The following LOXHD1 variants were observed in gnomAD, a reference collection of about 807,000 sequenced individuals.
LOXHD1 encodes the protein lipoxygenase homology PLAT domains 1.
LOXHD1 carries 205 observed loss-of-function variants against 248.2 expected under a neutral mutation model. The observed-to-expected ratio is 0.83, with a 90% CI of 0.74 to 0.93. The LOEUF (loss-of-function observed/expected upper bound fraction) is 0.93. Among genes scored for constraint, LOXHD1 ranks in the 40% least tolerant of loss-of-function variants. The pLI, the probability that LOXHD1 is intolerant of heterozygous loss-of-function variation, is 0.00. For synonymous variants in LOXHD1, 1,113 were observed against 1,162.8 expected, an observed-to-expected ratio of 0.96 and a Z score of 0.87; for missense variants, 2,930 against 2,971.6, an observed-to-expected ratio of 0.99 and a Z score of 0.33.
intron 21 of LOXHD1, among the ~76,000 whole-genome samples, chr18:46,556,966 C>T (rs1598995835): frequency 6.6e-6 from 1 of 151,634 alleles, no homozygotes; most frequent in South Asian, 2.1e-4. Context: ...CCAGCCCACC[C>T]TCACCCTCAT....
Position 46,569,479 on chromosome 18 carries a change from A to T in LOXHD1, c.2207T>A (p.Val736Glu). ...CAGGGTCTCGAGGGTGAACTCATCC[A>T]CCCGGCCACGTTCAAAGTAGTCTTT... ...NLKDYFERGR[V>E]DEFTLETLNI... Residue 736 changes from valine to glutamate, a missense_variant, in exon 16 of 41, where the codon GTG becomes GAG. Val to Glu is a moderately radical substitution (Grantham distance 121, BLOSUM62 -2). Coordinates refer to ENST00000642948, the MANE Select transcript of LOXHD1 (RefSeq NM_001384474.1). 1.9e-6 allele frequency: 3 copies of T among 1,552,190 alleles called. No individual in the cohort carries two copies. The highest frequency in any genetic ancestry group is 2.6e-6 in the Non-Finnish European group (3 of 1,147,092).
rs1568234526 is a variant in LOXHD1, at chr18:46,649,288, A to C, written c.131-19T>G. 6.5e-7 allele frequency: 1 copy of C among 1,540,944 alleles called. No homozygotes were observed. On this transcript the variant is annotated intron_variant, in intron 1 of 40. Coordinates refer to ENST00000642948, the MANE Select transcript of LOXHD1 (RefSeq NM_001384474.1). ...TCATACACTGGAGGAGGAGAGGAGG[A>C]GACAGATTGCAGGCTCAGAAAAAAA...
Position 46,522,175 on chromosome 18 carries a change from T to A in LOXHD1, c.5011A>T (p.Arg1671Trp). The part of the protein sequence containing the change: ...RIWLDYPRGK[R>W]GFSRGSVEEF... ...TCCACAGAGCCACGGCTGAAGCCCCTCTTCCCTCGGGGGTAGTCCAACCAG... is the reference window on the plus strand; with the variant it reads ...TCCACAGAGCCACGGCTGAAGCCCCACTTCCCTCGGGGGTAGTCCAACCAG... The change falls in exon 32 of 41, where the codon AGG becomes TGG. Residue 1671 changes from arginine (R) to tryptophan (W), a missense_variant. By Grantham distance (101) the Arg-to-Trp change is moderately radical. Transcript: ENST00000642948. The A allele has an allele frequency of 1.3e-6, 2 of 1,551,680 alleles. No individual in the cohort carries two copies. The highest frequency in any genetic ancestry group is 8.7e-7 in the Non-Finnish European group (1 of 1,146,986).
chr18:46,577,748 C>T lies in LOXHD1; in HGVS notation c.1929G>A (p.Glu643=). 1 of 1,551,664 alleles carries T rather than the reference C, an allele frequency of 6.4e-7. No homozygotes were observed. Among genetic ancestry groups the T allele is most frequent in the Non-Finnish European group, 8.7e-7 (1 of 1,146,978 alleles). The change falls in exon 14 of 41, where the codon GAG becomes GAA. Residue 643 remains glutamate, a synonymous_variant. Transcript: ENST00000642948. Reference sequence around the variant, plus strand: ...CCACGTTGTCGCTCTCAGGCTGCCCCTCCTCTCTCACCAGCACTCTGTCCA... The same window carrying T: ...CCACGTTGTCGCTCTCAGGCTGCCCTTCCTCTCTCACCAGCACTCTGTCCA... ...WYLDRVLVRE[E]GQPESDNVEF... is the part of the protein sequence containing the mutation.
intron 20 of LOXHD1, among the ~76,000 whole-genome samples, chr18:46,558,580 G>C (rs1178497995): frequency 6.6e-6 from 1 of 152,158 alleles, no homozygotes; most frequent in Admixed American, 6.5e-5. Flanking sequence ...GGGGGCCCCT[G>C]AAATAAATCA....
chr18:46,616,310 T>C (rs1353512388), intron 5 of LOXHD1, among the ~76,000 whole-genome samples: 1 of 152,292 alleles, frequency 6.6e-6, no homozygotes, highest in African/African-American at 2.4e-5. Context: ...GTGGTTACTT[T>C]TACAATTTTG....
At chr18:46,531,097 T>C (rs1354494662) in intron 28 of LOXHD1, among the ~76,000 whole-genome samples, 1 of 151,852 alleles carries the variant, frequency 6.6e-6, no homozygotes, top group African/African-American at 2.4e-5. Context: ...TCCCCAACCA[T>C]CTTCCTTGTC....
At chr18:46,610,748 G>A (rs1169988527) in intron 6 of LOXHD1, 28 bp downstream of exon 6, 1 of 1,535,510 alleles carries the variant, frequency 6.5e-7, no homozygotes, top group Non-Finnish European at 8.8e-7. Context: ...CAAGGCCACA[G>A]GGACTGCAGA....
chr18:46,623,239 C>T (rs1479403048), intron 4 of LOXHD1, among the ~76,000 whole-genome samples: 2 of 152,208 alleles, frequency 1.3e-5, no homozygotes, highest in African/African-American at 4.8e-5. Context: ...TCTACAAGCT[C>T]TCTGATGTGA....
In LOXHD1 at chr18:46,538,317, G is replaced by A. The variant is rs2036405294; in HGVS notation, c.3934C>T (p.Leu1312Phe). 3 of 1,550,380 alleles carry A rather than the reference G, an allele frequency of 1.9e-6. No individual in the cohort carries two copies. Among genetic ancestry groups the A allele is most frequent in the East Asian group, 4.9e-5 (2 of 40,856 alleles). Residue 1312 changes from leucine to phenylalanine, a missense_variant, in exon 26 of 41, where the codon CTC (leucine) becomes TTC (phenylalanine). By Grantham distance (22) the Leu-to-Phe change is conservative. Transcript: ENST00000642948. ...GCAGCAAAGACATCACTGGTGTAGAGGGTGATCTCGTAAGGAACAACTGAG... is the reference window on the plus strand; with the variant it reads ...GCAGCAAAGACATCACTGGTGTAGAAGGTGATCTCGTAAGGAACAACTGAG... ...YTPFVPYEIT[L>F]YTSDVFAAGT...
chr18:46,562,443 C>A (rs2037549109), intron 18 of LOXHD1, among the ~76,000 whole-genome samples: 1 of 152,214 alleles, frequency 6.6e-6, no homozygotes, highest in Non-Finnish European at 1.5e-5. Flanking sequence ...CTTGCATCCT[C>A]CTCTCTTGCC....
intron 12 of LOXHD1, among the ~76,000 whole-genome samples, chr18:46,581,054 G>T (rs983215790): frequency 1.3e-5 from 2 of 152,116 alleles, no homozygotes; most frequent in African/African-American, 2.4e-5. Flanking sequence ...CCATTGGAGG[G>T]CTTCAAGCAA....
intron 4 of LOXHD1, among the ~76,000 whole-genome samples, chr18:46,636,584 G>A (rs2038895697): frequency 6.6e-6 from 1 of 152,194 alleles, no homozygotes; most frequent in African/African-American, 2.4e-5. Flanking sequence ...TTTGGGAACT[G>A]GCCCTTGAGG....
At chr18:46,580,945 C>T (rs1241941517) in intron 12 of LOXHD1, among the ~76,000 whole-genome samples, 2 of 152,148 alleles carry the variant, frequency 1.3e-5, no homozygotes, top group Admixed American at 6.5e-5. Flanking sequence ...AGATAAGGCT[C>T]GGAGGTGGAC....
intron 39 of LOXHD1, among the ~76,000 whole-genome samples, chr18:46,484,646 G>A (rs113524410): frequency 6.6e-6 from 1 of 152,206 alleles, no homozygotes; most frequent in African/African-American, 2.4e-5. Context: ...CAGAGTTAAG[G>A]GGGAGGTGGA....
chr18:46,593,490 T>C (rs2038208935), intron 10 of LOXHD1, 110 bp downstream of exon 10: 23 of 1,266,772 alleles, frequency 1.8e-5, no homozygotes, highest in Middle Eastern at 4.5e-4. Flanking sequence ...TCGTACATTT[T>C]TGTCTTCAAA....
intron 29 of LOXHD1, 125 bp from the exon 30 acceptor site, chr18:46,525,042 G>A: frequency 1.8e-6 from 2 of 1,112,954 alleles, no homozygotes; most frequent in Non-Finnish European, 2.6e-6. Context: ...CTTTGCTGGG[G>A]AGCCCTCCAG....
chr18:46,566,430 C>A lies in LOXHD1; in HGVS notation c.2264G>T (p.Gly755Val), dbSNP rs188517529. 672 of 1,550,428 alleles carry A rather than the reference C, an allele frequency of 4.3e-4. 4 individuals carry two copies. The African/African-American group carries it at 8.2e-3, about 19-fold the overall frequency. ...NIGNINRLVI[G>V]HDSTGMHASW... Reference sequence around the variant, plus strand: ...GGCATGCATGCCAGTGCTGTCATGCCCAATCACCAGCCGGTTGATCTGAAG... The same window carrying A: ...GGCATGCATGCCAGTGCTGTCATGCACAATCACCAGCCGGTTGATCTGAAG... Residue 755 changes from glycine (G) to valine (V), a missense_variant, in exon 17 of 41, where the codon GGG becomes GTG. Transcript: ENST00000642948.
chr18:46,521,242 A>G lies in LOXHD1; in HGVS notation c.5126T>C (p.Val1709Ala). Residue 1709 changes from valine to alanine, a missense_variant, in exon 33 of 41, where the codon GTG becomes GCG. Physicochemically the swap from Val to Ala is moderately conservative, Grantham distance 64. Transcript: ENST00000642948. ...GGGCACTGCCAAACACAACTCTTCC[A>G]CCAGCCAGCAGCTCTCAGGGGAGGC... ...DGASPESCWL[V>A]EELCLAVPTQ... 6.4e-7 allele frequency: 1 copy of G among 1,551,494 alleles called. No individual in the cohort carries two copies. Among genetic ancestry groups the G allele is most frequent in the Non-Finnish European group, 8.7e-7 (1 of 1,146,964 alleles).
Sources: gnomAD v4.1 joint callset for allele counts (sites outside exome capture counted in the v4.1 genomes callset) on GRCh38, gnomAD v4.1.1 for gene constraint, MANE v1.5 for transcripts, NCBI Gene and HGNC (gene_info 2026-07-23, HGNC 2026-07-21) for gene names.